The following MED25 variants were observed in gnomAD, a reference collection of about 807,000 sequenced individuals.
MED25 encodes mediator complex subunit 25.
MED25 carries 62 observed loss-of-function variants against 89.4 expected under a neutral mutation model. The observed-to-expected ratio is 0.69, with a 90% CI of 0.57 to 0.86. MED25 has a LOEUF of 0.86. MED25 is among the 40% of genes least tolerant of loss of function. The pLI is 0.00. For missense variants in MED25, 905 were observed against 1,005.2 expected (o/e 0.90, Z 1.35); for synonymous variants, 449 against 427.9 (o/e 1.05, Z -0.61).
Position 49,830,004 on chromosome 19 carries a change from C to T in MED25, c.688+56C>T, listed in dbSNP as rs2074042587. ...GGGCTCGACGTGTTTCCCCAGCTCC[C>T]TCTGACTTGGATTTTGGATTTCTCT... On this transcript the variant is annotated intron_variant, in intron 6 of 17. Transcript: ENST00000312865. This position sits in a 1 kb window ranked among gnomAD's most constrained non-coding sequence, Gnocchi z 4.6. The T allele has an allele frequency of 6.3e-7, 1 of 1,598,712 alleles. No homozygotes were observed. The highest frequency in any genetic ancestry group is 8.5e-7 in the Non-Finnish European group (1 of 1,171,160).
In MED25 at chr19:49,835,975, T is replaced by A. The variant is rs1412057946; in HGVS notation, c.1965+30T>A. On this transcript the variant is annotated intron_variant, in intron 16 of 17. Coordinates refer to ENST00000312865, the MANE Select transcript of MED25 (RefSeq NM_030973.4). This position sits in a 1 kb window ranked among gnomAD's most constrained non-coding sequence, Gnocchi z 6.2. ...GATGTTGGGGTGGGGTAGCGAGAGT[T>A]CCAGATCCTGGCCCTGGTGGTTCTG... 1.9e-6 allele frequency: 3 copies of A among 1,611,308 alleles called. No homozygotes were observed. The highest frequency in any genetic ancestry group is 2.5e-6 in the Non-Finnish European group (3 of 1,179,522).
At chr19:49,833,718 A>G (rs1427104605) in intron 13 of MED25, 4 of 152,222 alleles carry the variant, frequency 2.6e-5, no homozygotes, top group African/African-American at 9.6e-5. Context: ...ATCAGATGGC[A>G]GCTGAGACTC....
chr19:49,837,102 C>T, downstream of MED25: 2 of 707,526 alleles, frequency 2.8e-6, no homozygotes, highest in Non-Finnish European at 5.1e-6. Context: ...ACGCTGGGGC[C>T]TCCGTGGTGA....
rs765788595 is a variant in MED25 at position 49,830,534 on chromosome 19, T to C, written c.843T>C (p.Ala281=). ...AGGTTCCCGGGAACCTGAGTGCAGC[T>C]CAGGTGGCCGCGCAGAATGCAGTGG... ...QYQVPGNLSA[A]QVAAQNAVEA... is the part of the protein sequence containing the mutation. The change falls in exon 8 of 18, where the codon GCT becomes GCC. Residue 281 remains alanine, a synonymous_variant. Transcript: ENST00000312865. This position sits in a 1 kb window ranked among gnomAD's most constrained non-coding sequence, Gnocchi z 4.6. The C allele has an allele frequency of 5.0e-5, 81 of 1,613,872 alleles. No homozygotes were observed. Among genetic ancestry groups the C allele is most frequent in the Non-Finnish European group, 6.6e-5 (78 of 1,179,972 alleles).
intron 3 of MED25, among the ~76,000 whole-genome samples, chr19:49,822,600 T>C (rs907255271): frequency 2.7e-5 from 4 of 150,854 alleles, no homozygotes; most frequent in African/African-American, 7.3e-5. Context: ...TGTAATCAAG[T>C]CTTGGAAGTT....
In MED25 at chr19:49,831,918, CTCT is replaced by C; in HGVS notation, c.1231-16_1231-14del. The C allele has an allele frequency of 6.2e-7, 1 of 1,611,528 alleles. No individual in the cohort carries two copies. Among genetic ancestry groups the C allele is most frequent in the Non-Finnish European group, 8.5e-7 (1 of 1,177,704 alleles). ...GCTTATGGCCCTTTTTACTGACATG[CTCT>C]TTTTTCCCCCTCAGAAACCCAAACC... On this transcript the variant is annotated splice_polypyrimidine_tract_variant and intron_variant, in intron 10 of 17. Coordinates refer to ENST00000312865, the MANE Select transcript of MED25 (RefSeq NM_030973.4). The surrounding 1 kb of genome is among the most constrained non-coding windows in gnomAD (Gnocchi z 5.0).
In MED25 at chr19:49,830,969, T is replaced by C; in HGVS notation, c.1101+82T>C. ...ACAGTTAGAGGATGAGTCATTTGCC[T>C]TCCAGGGGGATGTGGCTCTCGTGGT... On this transcript the variant is annotated intron_variant, in intron 9 of 17. Coordinates refer to ENST00000312865, the MANE Select transcript of MED25 (RefSeq NM_030973.4). This position sits in a 1 kb window ranked among gnomAD's most constrained non-coding sequence, Gnocchi z 4.6. 2.1e-6 allele frequency: 3 copies of C among 1,442,888 alleles called. No homozygotes were observed. The highest frequency in any genetic ancestry group is 4.5e-5 in the East Asian group (2 of 44,260). The allele number at this position is 1,442,888 out of a possible 1,614,324, so 89.4% of individuals were successfully genotyped here.
intron 4 of MED25, 113 bp from the exon 5 acceptor site, chr19:49,828,857 T>G: frequency 6.4e-7 from 1 of 1,550,736 alleles, no homozygotes; most frequent in Non-Finnish European, 8.7e-7. Flanking sequence ...GTAGGGGCGT[T>G]GCTTCTGATT....
rs1015924558 is a variant in MED25, at chr19:49,830,493, C to T, written c.820-18C>T. Reference sequence around the variant, plus strand: ...ATGGTCCTCACCAGTCCCTTCCCTTCTTCCCTTCTACCCACAGGTTCCCGG... The same window carrying T: ...ATGGTCCTCACCAGTCCCTTCCCTTTTTCCCTTCTACCCACAGGTTCCCGG... On this transcript the variant is annotated intron_variant, in intron 7 of 17. Transcript: ENST00000312865. The surrounding 1 kb of genome is among the most constrained non-coding windows in gnomAD (Gnocchi z 4.6). 1.4e-5 allele frequency: 23 copies of T among 1,612,986 alleles called. No individual in the cohort carries two copies. In the East Asian group the frequency reaches 5.1e-4, roughly 36 times the overall value.
In MED25 at chr19:49,836,308, ACCAGGGCCTGGGGCAGCC is replaced by A; in HGVS notation, c.2053_2070del (p.Gly685_Gln690del). ...GCTCCTGCGCTGCTGCCTCCGCCGCACCAGGGCCTGGGGCAGCCCCAGTTGGGGCCCCCACTCCTGCAT... is the reference window on the plus strand; with the variant it reads ...GCTCCTGCGCTGCTGCCTCCGCCGCACCAGTTGGGGCCCCCACTCCTGCAT... On this transcript the variant is annotated inframe_deletion, in exon 17 of 18. Coordinates refer to ENST00000312865, the MANE Select transcript of MED25 (RefSeq NM_030973.4). This position sits in a 1 kb window ranked among gnomAD's most constrained non-coding sequence, Gnocchi z 5.1. The A allele has an allele frequency of 2.5e-6, 4 of 1,611,230 alleles. No homozygotes were observed. The highest frequency in any genetic ancestry group is 3.4e-6 in the Non-Finnish European group (4 of 1,179,276).
chr19:49,822,287 A>G (rs1326274576), intron 3 of MED25, among the ~76,000 whole-genome samples: 4 of 132,152 alleles, frequency 3.0e-5, no homozygotes, highest in African/African-American at 8.9e-5. Flanking sequence ...AAAAAAAACC[A>G]TACAAAAATT....
At chr19:49,819,394 A>C (rs367686273) in intron 3 of MED25, 98 bp downstream of exon 3, 31,464 of 434,030 alleles carry the variant, frequency 0.072, 215 homozygotes, top group Non-Finnish European at 0.081. Context: ...AGAGGCTGTG[A>C]ATAAGTGATG....
chr19:49,831,928 C>T lies in MED25; in HGVS notation c.1231-8C>T, dbSNP rs200594031. 252 of 1,613,640 alleles carry T rather than the reference C, an allele frequency of 1.6e-4. No homozygotes were observed. Among genetic ancestry groups the T allele is most frequent in the African/African-American group, 7.9e-4 (59 of 74,944 alleles). On this transcript the variant is annotated splice_polypyrimidine_tract_variant and splice_region_variant and intron_variant, in intron 10 of 17. Transcript: ENST00000312865. The surrounding 1 kb of genome is among the most constrained non-coding windows in gnomAD (Gnocchi z 5.0). ...CTTTTTACTGACATGCTCTTTTTTC[C>T]CCCTCAGAAACCCAAACCTGCCTCA...
At position 49,830,020 on chromosome 19, in the gene MED25, G is replaced by A. The variant is rs2074042689; in HGVS notation, c.689-68G>A. On this transcript the variant is annotated intron_variant, in intron 6 of 17. Coordinates refer to ENST00000312865, the MANE Select transcript of MED25 (RefSeq NM_030973.4). The surrounding 1 kb of genome is among the most constrained non-coding windows in gnomAD (Gnocchi z 4.6). ...CCCAGCTCCCTCTGACTTGGATTTT[G>A]GATTTCTCTCCTTTCTCTGCATCTT... 1 of 1,597,226 alleles carries A rather than the reference G, an allele frequency of 6.3e-7. No individual in the cohort carries two copies. Among genetic ancestry groups the A allele is most frequent in the Non-Finnish European group, 8.5e-7 (1 of 1,171,016 alleles).
chr19:49,826,799 C>T (rs145865154), intron 3 of MED25, among the ~76,000 whole-genome samples: 44 of 152,296 alleles, frequency 2.9e-4, no homozygotes, highest in African/African-American at 1.0e-3. Context: ...TGGGTGTGTT[C>T]CAGCACATGC....
intron 3 of MED25, among the ~76,000 whole-genome samples, chr19:49,826,352 T>C (rs541983739): frequency 6.6e-6 from 1 of 152,218 alleles, no homozygotes; most frequent in African/African-American, 2.4e-5. Context: ...AAACAAAAGC[T>C]GTTTTGATGG....
intron 3 of MED25, among the ~76,000 whole-genome samples, chr19:49,828,228 C>CAAA (rs35999270): frequency 5.2e-5 from 6 of 115,766 alleles, no homozygotes; most frequent in Admixed American, 9.1e-5. Context: ...GACTCCATCT[C>CAAA]AAAAAAAAAA....
intron 3 of MED25, chr19:49,820,067 C>T (rs529149536): frequency 6.6e-6 from 1 of 152,058 alleles, no homozygotes; most frequent in East Asian, 1.9e-4. Flanking sequence ...AACTCCTGAC[C>T]TCATGTGATC....
At chr19:49,821,899 C>T (rs960555585) in intron 3 of MED25, among the ~76,000 whole-genome samples, 5 of 149,784 alleles carry the variant, frequency 3.3e-5, no homozygotes, top group African/African-American at 7.5e-5. Context: ...GAGGCCAAGG[C>T]GGGCGAATCA....
Sources: allele counts gnomAD v4.1 joint callset (sites outside exome capture counted in the v4.1 genomes callset), GRCh38; gene constraint gnomAD v4.1.1; non-coding constraint Gnocchi (gnomAD v3.1); transcripts MANE v1.5; gene names NCBI Gene and HGNC (gene_info 2026-07-23, HGNC 2026-07-21).